The following ADAMTS17 variants were observed in gnomAD, a reference collection of about 807,000 sequenced individuals.
The protein encoded by ADAMTS17 is ADAM metallopeptidase with thrombospondin type 1 motif 17.
A neutral mutation model predicts 141.5 loss-of-function variants in ADAMTS17; 113 were observed. The ratio of observed to expected loss-of-function variants is 0.80; its 90% CI spans 0.69 to 0.93. The LOEUF (loss-of-function observed/expected upper bound fraction) is 0.93. Among genes scored for constraint, ADAMTS17 ranks in the 40% least tolerant of loss-of-function variants. ADAMTS17 has a pLI of 0.00. For missense variants in ADAMTS17, 1,659 were observed against 1,517.9 expected (o/e 1.09, Z -1.54); for synonymous variants, 768 against 630.6 (o/e 1.22, Z -3.27).
intron 15 of ADAMTS17, among the ~76,000 whole-genome samples, chr15:100,089,695 A>G (rs1289056943): frequency 4.6e-5 from 7 of 151,996 alleles, no homozygotes; most frequent in African/African-American, 7.3e-5. Flanking sequence ...ACATGGATGA[A>G]GCTGGAAACC....
At chr15:99,990,674 C>CAT (rs1241115015) in intron 20 of ADAMTS17, among the ~76,000 whole-genome samples, 1 of 148,708 alleles carries the variant, frequency 6.7e-6, no homozygotes. Flanking sequence ...TGTGTTCTGA[C>CAT]TTGGGCTGAT....
At position 100,116,971 on chromosome 15, in the gene ADAMTS17, T is replaced by G. The variant is rs1301618431; in HGVS notation, c.1764A>C (p.Glu588Asp). Residue 588 changes from glutamate (E) to aspartate (D), a missense_variant, in exon 13 of 22, where the codon GAA (glutamate) becomes GAC (aspartate). Coordinates refer to ENST00000268070, the MANE Select transcript of ADAMTS17 (RefSeq NM_139057.4). ...GGTHCPGASV[E>D]HAVCENLPCP... ...AGGGCAGGTTCTCGCAGACCGCATGTTCTACACTGGCACCCGGGCAGTGTG... is the reference window on the plus strand; with the variant it reads ...AGGGCAGGTTCTCGCAGACCGCATGGTCTACACTGGCACCCGGGCAGTGTG... The G allele has an allele frequency of 6.2e-7, 1 of 1,613,648 alleles. No individual in the cohort carries two copies. Among genetic ancestry groups the G allele is most frequent in the Non-Finnish European group, 8.5e-7 (1 of 1,179,890 alleles).
At position 100,184,983 on chromosome 15, in the gene ADAMTS17, C is replaced by T. The variant is rs557087986; in HGVS notation, c.1181+14335G>A. ...TCCTCTGTCTCCAAATTCAGACATG[C>T]TCCTCAGTGACCATTCTATTTTCCT... On this transcript the variant is annotated intron_variant, in intron 8 of 21. Coordinates refer to ENST00000268070, the MANE Select transcript of ADAMTS17 (RefSeq NM_139057.4). Among the ~76,000 whole-genome samples the T allele has an allele frequency of 2.6e-5, 4 of 152,348 alleles. No homozygotes were observed. The South Asian group carries it at 8.3e-4, about 32-fold the overall frequency.
At chr15:100,236,563 G>A (rs1284337240) in intron 7 of ADAMTS17, among the ~76,000 whole-genome samples, 4 of 152,128 alleles carry the variant, frequency 2.6e-5, no homozygotes, top group Admixed American at 2.0e-4. Flanking sequence ...ACAAAAAAAC[G>A]GCAGTAGCTC....
At chr15:100,058,806 G>A (rs1238323056) in intron 15 of ADAMTS17, among the ~76,000 whole-genome samples, 2 of 152,214 alleles carry the variant, frequency 1.3e-5, no homozygotes, top group Admixed American at 6.5e-5. Flanking sequence ...AGGGCTACTG[G>A]AGGCCACGGA....
At position 100,024,570 on chromosome 15, in the gene ADAMTS17, G is replaced by A. The variant is rs141682695; in HGVS notation, c.2591+24287C>T. On this transcript the variant is annotated intron_variant, in intron 18 of 21. Coordinates refer to ENST00000268070, the MANE Select transcript of ADAMTS17 (RefSeq NM_139057.4). Reference sequence around the variant, plus strand: ...CAGGGAGGAGTGCTTGGATCTCTCCGTGATGGGGATCTCATTACACTATGA... The same window carrying A: ...CAGGGAGGAGTGCTTGGATCTCTCCATGATGGGGATCTCATTACACTATGA... 6.8e-3 allele frequency among the ~76,000 whole-genome samples: 1,035 copies of A among 152,282 alleles called. 8 individuals are homozygous for A. The highest frequency in any genetic ancestry group is 7.9e-3 in the Admixed American group (121 of 15,298).
At chr15:100,292,318 G>C (rs781012240) in intron 3 of ADAMTS17, among the ~76,000 whole-genome samples, 2 of 151,396 alleles carry the variant, frequency 1.3e-5, no homozygotes, top group African/African-American at 2.4e-5. Flanking sequence ...AACTACGAGA[G>C]ACACTCAGCC....
At chr15:100,151,036 T>C (rs1205360314) in intron 10 of ADAMTS17, among the ~76,000 whole-genome samples, 3 of 152,156 alleles carry the variant, frequency 2.0e-5, no homozygotes, top group Non-Finnish European at 2.9e-5. Flanking sequence ...TGGCTGATGG[T>C]GAGTTTGGGC....
chr15:100,097,782 T>G (rs1233100363), intron 14 of ADAMTS17, among the ~76,000 whole-genome samples: 1 of 152,212 alleles, frequency 6.6e-6, no homozygotes, highest in Non-Finnish European at 1.5e-5. Flanking sequence ...GCCGGGGCCA[T>G]GCGATGAGAA....
intron 8 of ADAMTS17, among the ~76,000 whole-genome samples, chr15:100,155,654 T>C (rs905053238): frequency 6.6e-6 from 1 of 152,268 alleles, no homozygotes; most frequent in Non-Finnish European, 1.5e-5. Flanking sequence ...CTTGTTTTCT[T>C]ACATTAAATA....
chr15:100,268,110 T>C (rs2043782167), intron 4 of ADAMTS17, among the ~76,000 whole-genome samples: 2 of 141,562 alleles, frequency 1.4e-5, no homozygotes, highest in South Asian at 5.0e-4. Context: ...TGTATCCATG[T>C]TGCTGCAAAG....
At chr15:100,334,227 C>T (rs1402661416) in intron 2 of ADAMTS17, among the ~76,000 whole-genome samples, 3 of 152,168 alleles carry the variant, frequency 2.0e-5, no homozygotes, top group South Asian at 4.1e-4. Flanking sequence ...TATCACCTAA[C>T]GTTAGCACAT....
intron 4 of ADAMTS17, among the ~76,000 whole-genome samples, chr15:100,263,148 G>T (rs1416631011): frequency 6.6e-6 from 1 of 152,200 alleles, no homozygotes; most frequent in Non-Finnish European, 1.5e-5. Context: ...TTTCATGCTT[G>T]GGGTTTAAGG....
At chr15:100,313,524 C>T (rs1038220282) in intron 3 of ADAMTS17, among the ~76,000 whole-genome samples, 3 of 152,198 alleles carry the variant, frequency 2.0e-5, no homozygotes, top group African/African-American at 4.8e-5. Context: ...ACCGTTTGGG[C>T]ATCTAAATAA....
At chr15:100,262,159 T>C (rs770526814) in intron 5 of ADAMTS17, among the ~76,000 whole-genome samples, 193 bp downstream of exon 5, 2 of 152,092 alleles carry the variant, frequency 1.3e-5, no homozygotes, top group African/African-American at 4.8e-5. Context: ...TAGGGTTCCC[T>C]GAGATTCTCA....
rs1418396740 is a variant in ADAMTS17 at position 100,061,319 on chromosome 15, CCT to C, written c.2138-7267_2138-7266del. Among the ~76,000 whole-genome samples, 21 of 152,276 alleles carry C rather than the reference CCT, an allele frequency of 1.4e-4. No homozygotes were observed. In the South Asian group the frequency reaches 4.2e-3, roughly 30 times the overall value. The stretch of plus-strand genomic sequence containing the variant: ...AAGCCCCCTGAAGCTTCAGCTTGCC[CCT>C]CTAAGAAGGAAGCAGAGCAAGACCT... On this transcript the variant is annotated intron_variant, in intron 15 of 21. Coordinates refer to ENST00000268070, the MANE Select transcript of ADAMTS17 (RefSeq NM_139057.4).
chr15:100,072,467 G>T (rs2034045734), intron 15 of ADAMTS17, among the ~76,000 whole-genome samples: 1 of 151,422 alleles, frequency 6.6e-6, no homozygotes, highest in South Asian at 2.1e-4. Flanking sequence ...TAAGCCAAAA[G>T]AACAAAGCTG....
chr15:100,315,269 C>G (rs12914873), intron 3 of ADAMTS17, among the ~76,000 whole-genome samples: 61,939 of 152,118 alleles, frequency 0.41, 13,139 homozygotes, highest in South Asian at 0.53. Flanking sequence ...CTGCGGCAGC[C>G]TCGGCTGCCA....
At chr15:99,986,683 T>C (rs2060593540) in intron 20 of ADAMTS17, among the ~76,000 whole-genome samples, 1 of 152,166 alleles carries the variant, frequency 6.6e-6, no homozygotes, top group African/African-American at 2.4e-5. Context: ...CCCTCCAGAA[T>C]GTGTTTTTCA....
Sources: allele counts gnomAD v4.1 joint callset (sites outside exome capture counted in the v4.1 genomes callset), GRCh38; gene constraint gnomAD v4.1.1; transcripts MANE v1.5; gene names NCBI Gene and HGNC (gene_info 2026-07-23, HGNC 2026-07-21).